GALNT17: variants seen among roughly 807,000 people sequenced by gnomAD.
GALNT17 encodes the protein UDP-GalNAc:polypeptide N-acetylgalactosaminyltransferase-like 3.
A neutral mutation model predicts 63.7 loss-of-function variants in GALNT17; 29 were observed. The ratio of observed to expected loss-of-function variants is 0.46; its 90% confidence interval spans 0.34 to 0.62. The LOEUF is 0.62. GALNT17 is among the 20% of genes least tolerant of loss of function. The pLI is 0.01. For synonymous variants in GALNT17, 305 were observed against 318.3 expected (o/e 0.96, Z 0.45); for missense variants, 603 against 799.6 (o/e 0.75, Z 2.97).
chr7:71,466,931 C>G (rs1787545528), intron 5 of GALNT17, among the ~76,000 whole-genome samples: 1 of 151,786 alleles, frequency 6.6e-6, no homozygotes, highest in African/African-American at 2.4e-5. Flanking sequence ...CCCAAGGTGG[C>G]TGTAACCCCT....
intron 3 of GALNT17, among the ~76,000 whole-genome samples, chr7:71,391,175 G>A (rs192123684): frequency 1.3e-5 from 2 of 152,270 alleles, no homozygotes; most frequent in East Asian, 3.9e-4. Flanking sequence ...GCAGGTGTGA[G>A]CTAGTGGCAA....
At chr7:71,356,583 A>G (rs1792290181) in intron 2 of GALNT17, among the ~76,000 whole-genome samples, 1 of 152,032 alleles carries the variant, frequency 6.6e-6, no homozygotes, top group Non-Finnish European at 1.5e-5. Flanking sequence ...CTTTTCAACA[A>G]TTAGCTCGCA....
At chr7:71,594,261 AG>A (rs1290699549) in intron 6 of GALNT17, among the ~76,000 whole-genome samples, 2 of 152,110 alleles carry the variant, frequency 1.3e-5, no homozygotes, top group Non-Finnish European at 2.9e-5. Flanking sequence ...GGAGCTCTAA[AG>A]GTACTCAAAG....
chr7:71,335,611 G>A lies in GALNT17; in HGVS notation c.300G>A (p.Pro100=), dbSNP rs770531592. The A allele has an allele frequency of 1.1e-5, 18 of 1,612,454 alleles. No individual in the cohort carries two copies. The highest frequency in any genetic ancestry group is 1.5e-5 in the Non-Finnish European group (18 of 1,179,296). The change falls in exon 2 of 11, where the codon CCG becomes CCA. Residue 100 remains proline, a synonymous_variant. Coordinates refer to ENST00000333538, the MANE Select transcript of GALNT17 (RefSeq NM_022479.3). The part of the protein sequence containing the change: ...GYGGRGKGGL[P]ATLSPAEEEK... ...GTGGGCGGGGTAAAGGGGGCCTTCC[G>A]GCTACTCTTTCCCCGGCTGAAGAAG...
rs542674099 is a variant in GALNT17 at position 71,223,213 on chromosome 7, A to G, written c.238+90173A>G. 3.3e-5 allele frequency among the ~76,000 whole-genome samples: 5 copies of G among 152,312 alleles called. No individual in the cohort carries two copies. The South Asian group carries it at 6.2e-4, about 19-fold the overall frequency. On this transcript the variant is annotated intron_variant, in intron 1 of 10. Transcript: ENST00000333538. ...TTTTTTTTCTCTTAAACTTTTGCCA[A>G]CTATTTTTAGCATTCACTGATGGAC...
intron 2 of GALNT17, among the ~76,000 whole-genome samples, chr7:71,338,535 GT>G (rs1432322617): frequency 6.6e-6 from 1 of 151,976 alleles, no homozygotes; most frequent in Non-Finnish European, 1.5e-5. Flanking sequence ...AACTATTTGT[GT>G]GCATCTTGGT....
intron 1 of GALNT17, among the ~76,000 whole-genome samples, chr7:71,197,999 A>T (rs761586307): frequency 5.9e-5 from 9 of 152,000 alleles, no homozygotes; most frequent in Non-Finnish European, 1.2e-4. Context: ...GGAGTTCGAG[A>T]CCAGCCTGGC....
At chr7:71,136,129 G>A (rs1034885488) in intron 1 of GALNT17, among the ~76,000 whole-genome samples, 1 of 152,124 alleles carries the variant, frequency 6.6e-6, no homozygotes, top group Admixed American at 6.5e-5. Flanking sequence ...TGCTTGTTTT[G>A]GGTAATGCGT....
In GALNT17 at chr7:71,553,777, C is replaced by G. The variant is rs552592759; in HGVS notation, c.963-17508C>G. 3.3e-5 allele frequency among the ~76,000 whole-genome samples: 5 copies of G among 152,360 alleles called. No homozygotes were observed. In the South Asian group the frequency reaches 1.0e-3, roughly 32 times the overall value. On this transcript the variant is annotated intron_variant, in intron 5 of 10. Transcript: ENST00000333538. Reference sequence around the variant, plus strand: ...TTGTTTCAAGGTAACTCAGTTTCTTCCCATTGAAAACTCCATCTCTTTCAG... The same window carrying G: ...TTGTTTCAAGGTAACTCAGTTTCTTGCCATTGAAAACTCCATCTCTTTCAG...
rs138148007 is a variant in GALNT17 at position 71,164,473 on chromosome 7, C to T, written c.238+31433C>T. ...CTCCCACTAGGATCCTCCCTCGACT[C>T]GTGGGGATCACAATTTGAGATGAGA... On this transcript the variant is annotated intron_variant, in intron 1 of 10. Coordinates refer to ENST00000333538, the MANE Select transcript of GALNT17 (RefSeq NM_022479.3). Among the ~76,000 whole-genome samples the T allele has an allele frequency of 5.8e-3, 883 of 152,314 alleles. 9 individuals are homozygous for T. The highest frequency in any genetic ancestry group is 0.02 in the African/African-American group (827 of 41,562).
chr7:71,353,143 A>G (rs1036593623), intron 2 of GALNT17, among the ~76,000 whole-genome samples: 37 of 152,132 alleles, frequency 2.4e-4, no homozygotes, highest in African/African-American at 8.7e-4. Context: ...TAAAATTCCC[A>G]TTTTGTCATA....
chr7:71,463,902 A>C (rs988544120), intron 5 of GALNT17, among the ~76,000 whole-genome samples: 6 of 152,096 alleles, frequency 3.9e-5, no homozygotes, highest in Admixed American at 3.9e-4. Flanking sequence ...AACCCGTTTT[A>C]TCAGCAAGGT....
In GALNT17 at chr7:71,657,745, T is replaced by TG. The variant is rs550131594; in HGVS notation, c.1081-7660dup. Among the ~76,000 whole-genome samples, 128 of 152,338 alleles carry TG rather than the reference T, an allele frequency of 8.4e-4. 1 individual carries two copies. The highest frequency in any genetic ancestry group is 1.5e-3 in the Admixed American group (23 of 15,300). ...AATGTGGCTACACATCTCAATCCCA[T>TG]GGGGGGCCTTTTTACATACACCCAG... On this transcript the variant is annotated intron_variant, in intron 6 of 10. Coordinates refer to ENST00000333538, the MANE Select transcript of GALNT17 (RefSeq NM_022479.3).
At chr7:71,480,457 C>G (rs1032274516) in intron 5 of GALNT17, among the ~76,000 whole-genome samples, 8 of 152,140 alleles carry the variant, frequency 5.3e-5, no homozygotes, top group Non-Finnish European at 7.3e-5. Context: ...GTGGCATCCT[C>G]TGCAATGCCT....
intron 1 of GALNT17, among the ~76,000 whole-genome samples, chr7:71,154,317 G>A (rs1273168120): frequency 1.3e-5 from 2 of 152,194 alleles, no homozygotes; most frequent in African/African-American, 4.8e-5. Context: ...GAGTGAGCAA[G>A]CCTCACTCCA....
intron 2 of GALNT17, among the ~76,000 whole-genome samples, chr7:71,362,509 G>C (rs1288839807): frequency 6.6e-6 from 1 of 152,118 alleles, no homozygotes; most frequent in Non-Finnish European, 1.5e-5. Flanking sequence ...CAGAGTGCTT[G>C]GTTCGCTGGC....
intron 5 of GALNT17, among the ~76,000 whole-genome samples, chr7:71,529,162 A>G (rs927444534): frequency 5.3e-5 from 8 of 152,082 alleles, no homozygotes; most frequent in African/African-American, 9.7e-5. Flanking sequence ...TAAATAAATA[A>G]TGAAAAAATT....
At chr7:71,290,904 G>T (rs556719610) in intron 1 of GALNT17, among the ~76,000 whole-genome samples, 3 of 152,222 alleles carry the variant, frequency 2.0e-5, no homozygotes, top group African/African-American at 7.2e-5. Flanking sequence ...TCTCTGCCTC[G>T]CTCTGTGACC....
At chr7:71,369,269 T>A (rs960629979) in intron 2 of GALNT17, among the ~76,000 whole-genome samples, 1 of 152,176 alleles carries the variant, frequency 6.6e-6, no homozygotes, top group Non-Finnish European at 1.5e-5. Flanking sequence ...CAAAGATTAG[T>A]GGTCCCTGAC....
Sources: allele counts gnomAD v4.1 joint callset (sites outside exome capture counted in the v4.1 genomes callset), GRCh38; gene constraint gnomAD v4.1.1; transcripts MANE v1.5; gene names NCBI Gene and HGNC (gene_info 2026-07-23, HGNC 2026-07-21).